Variants in HSD17B13 observed in about 807,000 individuals in gnomAD.
HSD17B13 encodes hydroxysteroid 17-beta dehydrogenase 13, also known as 17-beta-hydroxysteroid dehydrogenase 13.
HSD17B13 carries 26 observed loss-of-function variants against 31.1 expected under a neutral mutation model. The observed-to-expected ratio is 0.84, with a 90% CI of 0.61 to 1.16. The LOEUF (loss-of-function observed/expected upper bound fraction) is 1.16. Among genes scored for constraint, HSD17B13 ranks in the 50% most tolerant of loss-of-function variants. The probability of loss-of-function intolerance (pLI) is 0.00; values close to 1 mark genes in which losing one functional copy is unlikely to be tolerated. For synonymous variants in HSD17B13, 141 were observed against 133.7 expected (o/e 1.05, Z -0.38); for missense variants, 374 against 366.5 (o/e 1.02, Z -0.17).
At chr4:87,308,485 TAAAAAAAAAAAAAAAAAAA>T (rs893354684) in intron 6 of HSD17B13, among the ~76,000 whole-genome samples, 18 of 33,212 alleles carry the variant, frequency 5.4e-4, no homozygotes, top group East Asian at 1.4e-3. Context: ...CCGTCTCTAC[TAAAAAAAAAAAAAAAAAAA>T]AAAAAAAAAA....
At chr4:87,310,992 G>C (rs183342480) in intron 5 of HSD17B13, among the ~76,000 whole-genome samples, 1 of 151,872 alleles carries the variant, frequency 6.6e-6, no homozygotes, top group Admixed American at 6.6e-5. Context: ...TAAAGAAGCC[G>C]GCCAAAACCC....
chr4:87,316,946 C>T, intron 3 of HSD17B13, 146 bp downstream of exon 3: 1 of 747,856 alleles, frequency 1.3e-6, no homozygotes, highest in South Asian at 1.9e-5. Flanking sequence ...GACTCTGTGG[C>T]TCTTCTACTC....
intron 6 of HSD17B13, among the ~76,000 whole-genome samples, chr4:87,308,262 C>T (rs1734436000): frequency 1.3e-5 from 2 of 151,818 alleles, no homozygotes; most frequent in Non-Finnish European, 2.9e-5. Flanking sequence ...GCCTGTAATC[C>T]CAGCACTTTG....
intron 4 of HSD17B13, among the ~76,000 whole-genome samples, chr4:87,314,270 A>C (rs1734598191): frequency 6.6e-6 from 1 of 152,040 alleles, no homozygotes; most frequent in African/African-American, 2.4e-5. Flanking sequence ...ACTGTTTTCT[A>C]ATCAGTTTTT....
At chr4:87,320,339 A>G (rs1416257759) in intron 1 of HSD17B13, among the ~76,000 whole-genome samples, 1 of 151,228 alleles carries the variant, frequency 6.6e-6, no homozygotes, top group African/African-American at 2.4e-5. Context: ...AAGTTACCAG[A>G]GCATTCATCA....
At chr4:87,321,624 A>G (rs542414203) in intron 1 of HSD17B13, among the ~76,000 whole-genome samples, 200 of 151,972 alleles carry the variant, frequency 1.3e-3, no homozygotes, top group Non-Finnish European at 1.8e-3. Flanking sequence ...AATCATTTTT[A>G]TATACATCAA....
intron 6 of HSD17B13, among the ~76,000 whole-genome samples, chr4:87,308,626 A>G (rs1734449730): frequency 6.7e-6 from 1 of 149,206 alleles, no homozygotes; most frequent in African/African-American, 2.4e-5. Flanking sequence ...GCTTGCAGTG[A>G]GCCAAGATTG....
intron 6 of HSD17B13, among the ~76,000 whole-genome samples, chr4:87,308,214 T>G (rs1734435229): frequency 6.6e-6 from 1 of 152,092 alleles, no homozygotes; most frequent in African/African-American, 2.4e-5. Context: ...AAAGAAGATA[T>G]TATCAGCATA....
At chr4:87,312,691 G>A (rs978496713) in intron 5 of HSD17B13, among the ~76,000 whole-genome samples, 5 of 150,554 alleles carry the variant, frequency 3.3e-5, no homozygotes, top group African/African-American at 1.2e-4. Flanking sequence ...CACCACGCCC[G>A]GCTAATTTTT....
In HSD17B13 at chr4:87,308,504, A is replaced by T. The variant is rs1318050416; in HGVS notation, c.812+1739T>A. On this transcript the variant is annotated intron_variant, in intron 6 of 6. Coordinates refer to ENST00000328546, the MANE Select transcript of HSD17B13 (RefSeq NM_178135.5). ...CTCTACTAAAAAAAAAAAAAAAAAAAAAAAAAAAAAAAAAAAAAAAAAAAA... is the reference window on the plus strand; with the variant it reads ...CTCTACTAAAAAAAAAAAAAAAAAATAAAAAAAAAAAAAAAAAAAAAAAAA... Among the ~76,000 whole-genome samples, 240 of 88,616 alleles carry T rather than the reference A, an allele frequency of 2.7e-3. 4 individuals carry two copies. The highest frequency in any genetic ancestry group is 0.013 in the African/African-American group (223 of 16,722). The allele number at this position is 88,616 out of a possible 152,430, so 58.1% of individuals were successfully genotyped here.
chr4:87,308,932 C>CAAAAAAAAAAAAAAAA (rs57491954), intron 6 of HSD17B13, among the ~76,000 whole-genome samples: 1 of 127,042 alleles, frequency 7.9e-6, no homozygotes, highest in African/African-American at 3.0e-5. Flanking sequence ...AGGAATCTAC[C>CAAAAAAAAAAAAAAAA]AAAAAAAAAA....
Position 87,315,528 on chromosome 4 carries a change from G to T in HSD17B13, c.522C>A (p.Cys174Ter), listed in dbSNP as rs376717987. The part of the protein sequence containing the change: ...HGHIVTVASV[C>*]GHEGIPYLIP... ...TGAGGTAAGGAATCCCTTCGTGGCC[G>T]CACACTGAAGCCACTGTGACGATGT... is the stretch of plus-strand genomic sequence containing the variant. The change falls in exon 4 of 7, where the codon TGC (cysteine) becomes TGA (stop). Residue 174 changes from cysteine to a stop codon, truncating the protein, a stop_gained. Coordinates refer to ENST00000328546, the MANE Select transcript of HSD17B13 (RefSeq NM_178135.5). LOFTEE classifies it high-confidence loss of function. The T allele has an allele frequency of 5.0e-6, 8 of 1,609,836 alleles. No homozygotes were observed. In the Admixed American group the frequency reaches 5.0e-5, roughly 10 times the overall value.
chr4:87,307,394 T>C (rs922809722), intron 6 of HSD17B13, among the ~76,000 whole-genome samples: 5 of 152,216 alleles, frequency 3.3e-5, no homozygotes, highest in Non-Finnish European at 7.3e-5. Flanking sequence ...ATGCATGTAA[T>C]TTTCAATATT....
chr4:87,321,600 C>T (rs1402985463), intron 1 of HSD17B13, among the ~76,000 whole-genome samples: 1 of 151,992 alleles, frequency 6.6e-6, no homozygotes, highest in Non-Finnish European at 1.5e-5. Context: ...TCTTCAAAGA[C>T]CAAAAAGATG....
rs1486377162 is a variant in HSD17B13, at chr4:87,318,324, C to G, written c.318+5G>C. On this transcript the variant is annotated splice_donor_5th_base_variant and intron_variant, in intron 2 of 6. Transcript: ENST00000328546. ...CTGAAGAAATTTGTGAACCTGCAGT[C>G]TCACCTGATTTAGAGAGCGATAGAT... 5.6e-6 allele frequency: 9 copies of G among 1,602,814 alleles called. No individual in the cohort carries two copies. The South Asian group carries it at 9.9e-5, about 18-fold the overall frequency.
rs900950324 is a variant in HSD17B13, at chr4:87,305,101, A to G, written c.*117T>C. ...TGTTCGTTTGACTGCTGCTAGTGCC[A>G]AACCAATGTTTTTAATATTATCAGG... is the stretch of plus-strand genomic sequence containing the variant. On this transcript the variant is annotated 3_prime_UTR_variant, in exon 7 of 7. Coordinates refer to ENST00000328546, the MANE Select transcript of HSD17B13 (RefSeq NM_178135.5). The G allele has an allele frequency of 1.9e-6, 1 of 537,872 alleles. No homozygotes were observed. Among genetic ancestry groups the G allele is most frequent in the Admixed American group, 4.0e-5 (1 of 24,814 alleles). The allele number at this position is 537,872 out of a possible 1,614,324, so 33.3% of individuals were successfully genotyped here.
Position 87,305,191 on chromosome 4 carries a change from A to G in HSD17B13, c.*27T>C, listed in dbSNP as rs1446781408. 2 of 1,421,488 alleles carry G rather than the reference A, an allele frequency of 1.4e-6. No homozygotes were observed. Among genetic ancestry groups the G allele is most frequent in the Non-Finnish European group, 2.0e-6 (2 of 1,017,072 alleles). 88.1% of individuals were successfully genotyped at this position (1,421,488 alleles called of 1,614,324 possible). A position where few individuals can be genotyped will look rare whatever the true frequency, so the allele number is the denominator to read the frequency against. On this transcript the variant is annotated 3_prime_UTR_variant, in exon 7 of 7. Transcript: ENST00000328546. ...GAAACTATTCATATCATTATCATGC[A>G]TACATCTCTGGCTGGAGCTTATTTA...
At chr4:87,317,873 A>C (rs1164415171) in intron 2 of HSD17B13, among the ~76,000 whole-genome samples, 2 of 152,078 alleles carry the variant, frequency 1.3e-5, no homozygotes, top group African/African-American at 2.4e-5. Flanking sequence ...TGCTTAGTTC[A>C]TTGTGATTAT....
At chr4:87,308,387 C>T (rs111938830) in intron 6 of HSD17B13, among the ~76,000 whole-genome samples, 3 of 147,514 alleles carry the variant, frequency 2.0e-5, no homozygotes, top group African/African-American at 2.5e-5. Flanking sequence ...TGGTGGCTCA[C>T]GCCTGTAATC....
Sources: allele counts gnomAD v4.1 joint callset (sites outside exome capture counted in the v4.1 genomes callset), GRCh38; gene constraint gnomAD v4.1.1; transcripts MANE v1.5; gene names NCBI Gene and HGNC (gene_info 2026-07-23, HGNC 2026-07-21).